DENND4C: variants seen among roughly 807,000 people sequenced by gnomAD.
The protein encoded by DENND4C is DENN domain containing 4C.
DENND4C carries 108 observed loss-of-function variants against 203.0 expected under a neutral mutation model. The ratio of observed to expected loss-of-function variants is 0.53; its 90% CI spans 0.46 to 0.62. The LOEUF is 0.62. Ranked by LOEUF, DENND4C falls within the 20% of genes least tolerant of loss-of-function variation. The probability of loss-of-function intolerance (pLI) is 0.00; values close to 1 mark genes in which losing one functional copy is unlikely to be tolerated. For missense variants in DENND4C, 2,481 were observed against 2,301.2 expected (o/e 1.08, Z -1.60); for synonymous variants, 871 against 792.4 (o/e 1.10, Z -1.67).
intron 23 of DENND4C, 48 bp downstream of exon 23, chr9:19,347,134 A>C (rs534450290): frequency 6.7e-7 from 1 of 1,492,434 alleles, no homozygotes; most frequent in African/African-American, 1.4e-5. Context: ...GAGTGTTTAT[A>C]GTATCTTTCT....
chr9:19,369,776 A>AT lies in DENND4C; in HGVS notation c.5525-61_5525-60insT, dbSNP rs1474632855. On this transcript the variant is annotated intron_variant, in intron 30 of 32. Coordinates refer to ENST00000434457, the MANE Select transcript of DENND4C (RefSeq NM_001330640.2). ...AGTGAGATGTTGTCTCAAAAAAAAAAAAATAATAATAATAATAATAGTAAT... is the reference window on the plus strand; with the variant it reads ...AGTGAGATGTTGTCTCAAAAAAAAAATAAATAATAATAATAATAATAGTAAT... 105 of 1,034,522 alleles carry AT rather than the reference A, an allele frequency of 1.0e-4. No homozygotes were observed. In the African/African-American group the frequency reaches 1.5e-3, roughly 15 times the overall value. The allele number at this position is 1,034,522 out of a possible 1,614,324, so 64.1% of individuals were successfully genotyped here.
intron 1 of DENND4C, among the ~76,000 whole-genome samples, chr9:19,241,267 A>G (rs56084959): frequency 0.029 from 4,461 of 152,306 alleles, 210 homozygotes; most frequent in African/African-American, 0.099. Flanking sequence ...AAGCTTTAAA[A>G]TGTTTGTTGT....
intron 1 of DENND4C, among the ~76,000 whole-genome samples, chr9:19,231,614 A>C (rs969863392): frequency 6.6e-6 from 1 of 150,898 alleles, no homozygotes; most frequent in Non-Finnish European, 1.5e-5. Context: ...TATCTGCACT[A>C]ATAAGGAATT....
intron 1 of DENND4C, among the ~76,000 whole-genome samples, chr9:19,246,242 C>G (rs897674590): frequency 5.3e-5 from 8 of 151,628 alleles, no homozygotes; most frequent in African/African-American, 1.7e-4. Flanking sequence ...TTTGTCAACT[C>G]TGTAATTCCT....
chr9:19,354,451 C>G (rs1185758877), intron 26 of DENND4C, among the ~76,000 whole-genome samples: 1 of 152,050 alleles, frequency 6.6e-6, no homozygotes, highest in Non-Finnish European at 1.5e-5. Context: ...TATAGCCTTA[C>G]CAGCATTTGG....
chr9:19,274,033 A>G (rs1174339616), intron 1 of DENND4C, among the ~76,000 whole-genome samples: 2 of 152,050 alleles, frequency 1.3e-5, no homozygotes, highest in African/African-American at 4.8e-5. Flanking sequence ...TGAATGGATA[A>G]ACATTGTGGT....
intron 1 of DENND4C, among the ~76,000 whole-genome samples, chr9:19,239,203 G>C (rs1823066474): frequency 1.3e-5 from 2 of 151,598 alleles, no homozygotes; most frequent in South Asian, 4.2e-4. Flanking sequence ...TTTAATTTTA[G>C]AACTCTCTTA....
At chr9:19,281,609 T>G (rs72698391) in intron 2 of DENND4C, among the ~76,000 whole-genome samples, 3 of 152,184 alleles carry the variant, frequency 2.0e-5, no homozygotes, top group Non-Finnish European at 4.4e-5. Flanking sequence ...GATGTTAAGT[T>G]AAAATATGTA....
intron 1 of DENND4C, among the ~76,000 whole-genome samples, chr9:19,234,326 G>A (rs560420281): frequency 7.9e-5 from 12 of 151,842 alleles, no homozygotes; most frequent in South Asian, 4.2e-4. Flanking sequence ...TGCCTCCCAG[G>A]TTCAAGCGAT....
chr9:19,282,258 T>C (rs1237596392), intron 2 of DENND4C, among the ~76,000 whole-genome samples: 1 of 151,942 alleles, frequency 6.6e-6, no homozygotes, highest in African/African-American at 2.4e-5. Context: ...ATTTATTCTT[T>C]TATTTTTTAT....
At chr9:19,275,581 C>T (rs1477091432) in intron 1 of DENND4C, among the ~76,000 whole-genome samples, 2 of 151,870 alleles carry the variant, frequency 1.3e-5, no homozygotes, top group Non-Finnish European at 2.9e-5. Context: ...AGCGATTCTC[C>T]TGCCTCAGCC....
intron 26 of DENND4C, 110 bp from the exon 27 acceptor site, chr9:19,356,862 T>A (rs984909745): frequency 7.7e-6 from 8 of 1,045,530 alleles, no homozygotes; most frequent in Non-Finnish European, 1.1e-5. Context: ...CTGGATTATA[T>A]ATAATTTTAT....
chr9:19,257,100 A>G (rs1431984813), intron 1 of DENND4C, among the ~76,000 whole-genome samples: 2 of 151,918 alleles, frequency 1.3e-5, no homozygotes, highest in African/African-American at 2.4e-5. Flanking sequence ...ATTTTGATCC[A>G]GGTGAGGTTT....
intron 20 of DENND4C, among the ~76,000 whole-genome samples, chr9:19,339,662 T>G (rs1821181757): frequency 6.6e-6 from 1 of 152,204 alleles, no homozygotes; most frequent in Non-Finnish European, 1.5e-5. Context: ...AAGCTATTTT[T>G]GAAAGAACAC....
intron 1 of DENND4C, among the ~76,000 whole-genome samples, chr9:19,256,269 A>T (rs1255044810): frequency 1.3e-5 from 2 of 151,446 alleles, no homozygotes; most frequent in Admixed American, 6.6e-5. Context: ...CTTTATTTTT[A>T]AAAAAATTTT....
At chr9:19,330,536 T>C (rs1444698828) in intron 16 of DENND4C, among the ~76,000 whole-genome samples, 7 of 151,678 alleles carry the variant, frequency 4.6e-5, no homozygotes, top group Admixed American at 1.3e-4. Flanking sequence ...GACAGGGCTT[T>C]ACCATGTTGG....
chr9:19,276,236 C>T lies in DENND4C; in HGVS notation c.62C>T (p.Thr21Ile), dbSNP rs367715833. 12 of 1,232,076 alleles carry T rather than the reference C, an allele frequency of 9.7e-6. No individual in the cohort carries two copies. The East Asian group carries it at 1.3e-4, about 13-fold the overall frequency. The allele number at this position is 1,232,076 out of a possible 1,614,324, so 76.3% of individuals were successfully genotyped here. A position where few individuals can be genotyped will look rare whatever the true frequency, so the allele number is the denominator to read the frequency against. ...DYFVVAGLTD[T>I]STLLDQEINR... ...TTTGTCGTAGCTGGTCTCACTGACA[C>T]ATCTACTCTTTTGGATCAAGAAATA... The change falls in exon 2 of 33, where the codon ACA becomes ATA. Residue 21 changes from threonine (T) to isoleucine (I), a missense_variant. Thr to Ile is a moderately conservative substitution (Grantham distance 89). Transcript: ENST00000434457.
At chr9:19,305,779 A>G (rs929776445) in intron 10 of DENND4C, among the ~76,000 whole-genome samples, 1 of 152,208 alleles carries the variant, frequency 6.6e-6, no homozygotes, top group African/African-American at 2.4e-5. Flanking sequence ...ATTTATGTTT[A>G]TCAGAAGAGA....
chr9:19,341,102 A>T lies in DENND4C; in HGVS notation c.2992A>T (p.Met998Leu). The change falls in exon 21 of 33, where the codon ATG becomes TTG. Residue 998 changes from methionine to leucine, a missense_variant. Around this residue, in one of 3 missense-constraint regions of DENND4C, gnomAD observed 2,289 missense variants for 2,113.3 expected, o/e 1.08. Transcript: ENST00000434457. ...AARELITKTK[M>L]QTEEVCDASA... Reference sequence around the variant, plus strand: ...AAGAGAATTGATAACTAAAACAAAAATGCAAACAGAAGGTTAAGTACTGAT... The same window carrying T: ...AAGAGAATTGATAACTAAAACAAAATTGCAAACAGAAGGTTAAGTACTGAT... The T allele has an allele frequency of 6.2e-7, 1 of 1,611,202 alleles. No individual in the cohort carries two copies. The highest frequency in any genetic ancestry group is 8.5e-7 in the Non-Finnish European group (1 of 1,178,922).
Sources: gnomAD v4.1 joint callset for allele counts (sites outside exome capture counted in the v4.1 genomes callset) on GRCh38, gnomAD v4.1.1 for gene constraint, gnomAD v4.1.1 regional missense constraint, MANE v1.5 for transcripts, NCBI Gene and HGNC (gene_info 2026-07-23, HGNC 2026-07-21) for gene names.